The following TCERG1L variants were observed in gnomAD, a reference collection of about 807,000 sequenced individuals.
TCERG1L encodes transcription elongation regulator 1 like.
Under a neutral mutation model 56.3 loss-of-function variants are expected in TCERG1L, and 37 were observed. The ratio of observed to expected loss-of-function variants is 0.66; its 90% CI spans 0.51 to 0.87. The LOEUF (loss-of-function observed/expected upper bound fraction) is 0.87. Ranked by LOEUF, TCERG1L falls within the 40% of genes least tolerant of loss-of-function variation. The pLI, the probability that TCERG1L is intolerant of heterozygous loss-of-function variation, is 0.00. For missense variants in TCERG1L, 799 were observed against 774.2 expected, an observed-to-expected ratio of 1.03 and a Z score of -0.38; for synonymous variants, 324 against 326.3, an observed-to-expected ratio of 0.99 and a Z score of 0.08.
intron 7 of TCERG1L, among the ~76,000 whole-genome samples, chr10:131,137,518 C>T (rs1845689453): frequency 6.6e-6 from 1 of 152,184 alleles, no homozygotes; most frequent in Non-Finnish European, 1.5e-5. Flanking sequence ...CTGCCGTGTC[C>T]AGGGGAGGGA....
intron 4 of TCERG1L, among the ~76,000 whole-genome samples, chr10:131,256,633 C>T (rs926948973): frequency 6.6e-6 from 1 of 152,188 alleles, no homozygotes; most frequent in South Asian, 2.1e-4. Context: ...CGCCTCTAAT[C>T]CCAGCACTTG....
chr10:131,310,071 G>T (rs1417534099), intron 1 of TCERG1L, among the ~76,000 whole-genome samples: 1 of 152,090 alleles, frequency 6.6e-6, no homozygotes, highest in Non-Finnish European at 1.5e-5. Context: ...ACATGAAAAT[G>T]TTCTTCTGGT....
chr10:131,137,932 T>C (rs1845693578), intron 7 of TCERG1L, among the ~76,000 whole-genome samples: 1 of 152,180 alleles, frequency 6.6e-6, no homozygotes, highest in Non-Finnish European at 1.5e-5. Flanking sequence ...TTCAGCTCTC[T>C]GGAAGCAGAT....
intron 8 of TCERG1L, among the ~76,000 whole-genome samples, chr10:131,132,637 C>G (rs1459284319): frequency 6.6e-6 from 1 of 152,226 alleles, no homozygotes; most frequent in African/African-American, 2.4e-5. Context: ...CAAAGATCAG[C>G]AGAGACCAGC....
intron 3 of TCERG1L, among the ~76,000 whole-genome samples, chr10:131,288,648 A>G (rs1160288504): frequency 2.6e-5 from 4 of 152,212 alleles, no homozygotes; most frequent in Non-Finnish European, 4.4e-5. Context: ...ATCTTTGCAG[A>G]TGAAATGAGT....
At chr10:131,230,310 C>T (rs1020520449) in intron 4 of TCERG1L, among the ~76,000 whole-genome samples, 17 of 152,238 alleles carry the variant, frequency 1.1e-4, no homozygotes, top group African/African-American at 3.9e-4. Context: ...CTGAACAGCG[C>T]GTGCTGCTGT....
intron 3 of TCERG1L, among the ~76,000 whole-genome samples, chr10:131,268,372 T>A (rs1355391175): frequency 6.6e-6 from 1 of 152,236 alleles, no homozygotes; most frequent in Non-Finnish European, 1.5e-5. Context: ...GCTTTGCTGT[T>A]CCATTTATAG....
intron 4 of TCERG1L, among the ~76,000 whole-genome samples, chr10:131,206,155 T>C (rs1414609734): frequency 1.3e-5 from 2 of 152,234 alleles, no homozygotes; most frequent in Non-Finnish European, 2.9e-5. Context: ...ATTTGAAGGA[T>C]GTCATGGACA....
At chr10:131,283,494 A>G (rs1298607735) in intron 3 of TCERG1L, among the ~76,000 whole-genome samples, 1 of 152,208 alleles carries the variant, frequency 6.6e-6, no homozygotes, top group Admixed American at 6.5e-5. Context: ...AAAGTTAAAG[A>G]ACACCGGATA....
At chr10:131,278,295 C>A (rs112540750) in intron 3 of TCERG1L, among the ~76,000 whole-genome samples, 5 of 151,842 alleles carry the variant, frequency 3.3e-5, no homozygotes, top group Non-Finnish European at 7.4e-5. Flanking sequence ...CGAGGCCCCC[C>A]CTCCTGTCCT....
intron 3 of TCERG1L, among the ~76,000 whole-genome samples, chr10:131,268,636 G>A (rs1279016859): frequency 6.6e-6 from 1 of 152,190 alleles, no homozygotes. Flanking sequence ...CACCTTCATC[G>A]ACGCTCTTAG....
chr10:131,160,207 T>C (rs1262862385), intron 6 of TCERG1L, among the ~76,000 whole-genome samples: 1 of 152,140 alleles, frequency 6.6e-6, no homozygotes. Context: ...CACCTGGGGC[T>C]CCCTGGAGAA....
intron 9 of TCERG1L, among the ~76,000 whole-genome samples, chr10:131,104,670 G>C (rs1452960752): frequency 6.6e-6 from 1 of 152,036 alleles, no homozygotes; most frequent in Non-Finnish European, 1.5e-5. Flanking sequence ...ATTTCAAAAG[G>C]GGAAATTATA....
chr10:131,123,483 T>C (rs1845533156), intron 8 of TCERG1L, among the ~76,000 whole-genome samples: 1 of 152,006 alleles, frequency 6.6e-6, no homozygotes, highest in African/African-American at 2.4e-5. Flanking sequence ...CATCTAAGAA[T>C]GTTCTAGAGA....
chr10:131,280,335 T>C (rs1846437522), intron 3 of TCERG1L, among the ~76,000 whole-genome samples: 1 of 150,968 alleles, frequency 6.6e-6, no homozygotes, highest in Non-Finnish European at 1.5e-5. Flanking sequence ...CCAGCTTGAC[T>C]TTTCCCTTTA....
chr10:131,169,494 C>T (rs367919630), intron 4 of TCERG1L, among the ~76,000 whole-genome samples: 6 of 152,296 alleles, frequency 3.9e-5, no homozygotes, highest in African/African-American at 1.4e-4. Context: ...ACCCAGCACT[C>T]CACATATTTC....
intron 8 of TCERG1L, among the ~76,000 whole-genome samples, chr10:131,125,714 G>C (rs909335258): frequency 2.0e-5 from 3 of 152,226 alleles, no homozygotes; most frequent in African/African-American, 7.2e-5. Flanking sequence ...CTCTGCTCAC[G>C]TGGATGGTCA....
intron 4 of TCERG1L, among the ~76,000 whole-genome samples, chr10:131,204,393 A>G (rs1480719939): frequency 6.6e-6 from 1 of 152,176 alleles, no homozygotes; most frequent in Non-Finnish European, 1.5e-5. Flanking sequence ...GGAAACTGGC[A>G]CCTGCCCCCC....
intron 3 of TCERG1L, among the ~76,000 whole-genome samples, chr10:131,269,184 T>TTATTTGTTTGTC (rs200889701): frequency 0.02 from 3,074 of 151,648 alleles, 79 homozygotes; most frequent in East Asian, 0.078. Flanking sequence ...CAATTTCTAT[T>TTATTTGTTTGTC]TGTTTGTTTG....
Sources: gnomAD v4.1 joint callset for allele counts (sites outside exome capture counted in the v4.1 genomes callset) on GRCh38, gnomAD v4.1.1 for gene constraint, MANE v1.5 for transcripts, NCBI Gene and HGNC (gene_info 2026-07-23, HGNC 2026-07-21) for gene names.